RSF1: variants seen among roughly 807,000 people sequenced by gnomAD.
The protein encoded by RSF1 is HBV pX-associated protein 8.
RSF1 carries 13 observed loss-of-function variants against 145.2 expected under a neutral mutation model. The ratio of observed to expected loss-of-function variants is 0.09; its 90% CI spans 0.06 to 0.14. The LOEUF (loss-of-function observed/expected upper bound fraction) is 0.14, where lower values mean the gene tolerates loss of function less well. RSF1 is among the 10% of genes least tolerant of loss of function. The pLI is 1.00. For synonymous variants in RSF1, 577 were observed against 592.6 expected, an observed-to-expected ratio of 0.97 and a Z score of 0.38; for missense variants, 1,517 against 1,718.2, an observed-to-expected ratio of 0.88 and a Z score of 2.07.
At chr11:77,760,426 T>A (rs1234986348) in intron 2 of RSF1, among the ~76,000 whole-genome samples, 1 of 152,230 alleles carries the variant, frequency 6.6e-6, no homozygotes, top group Non-Finnish European at 1.5e-5. Context: ...TGATTGATAC[T>A]GATTGATAAC....
chr11:77,780,210 T>C lies in RSF1; in HGVS notation c.188-15521A>G, dbSNP rs139683282. 5.1e-4 allele frequency among the ~76,000 whole-genome samples: 77 copies of C among 152,272 alleles called. 2 individuals are homozygous for C. The East Asian group carries it at 0.013, about 26-fold the overall frequency. ...TGTTCAATTCAATGGGTTTGGTCTT[T>C]AAAAAAACCAAGTAACTTTTTGATA... On this transcript the variant is annotated intron_variant, in intron 1 of 15. Coordinates refer to ENST00000308488, the MANE Select transcript of RSF1 (RefSeq NM_016578.4).
chr11:77,821,395 C>T (rs777681445), upstream of RSF1, among the ~76,000 whole-genome samples: 3 of 151,466 alleles, frequency 2.0e-5, no homozygotes, highest in Non-Finnish European at 4.4e-5. Flanking sequence ...TAATTAGGGG[C>T]TGGGCTGGGA....
chr11:77,780,096 G>A (rs1008814106), intron 1 of RSF1, among the ~76,000 whole-genome samples: 1 of 152,144 alleles, frequency 6.6e-6, no homozygotes, highest in African/African-American at 2.4e-5. Flanking sequence ...ATAAATGCCT[G>A]TTTACTTAGC....
intron 1 of RSF1, among the ~76,000 whole-genome samples, chr11:77,815,743 T>C (rs1948775378): frequency 7.0e-6 from 1 of 142,610 alleles, no homozygotes; most frequent in Non-Finnish European, 1.6e-5. Context: ...GTTTAATGTT[T>C]TTTTAAAAAA....
chr11:77,677,668 T>G (rs1391458737), intron 12 of RSF1, among the ~76,000 whole-genome samples: 2 of 152,204 alleles, frequency 1.3e-5, no homozygotes, highest in Non-Finnish European at 2.9e-5. Flanking sequence ...TGCCACTTAC[T>G]AAAGACTATG....
intron 7 of RSF1, among the ~76,000 whole-genome samples, chr11:77,697,620 C>T (rs544459163): frequency 2.7e-5 from 4 of 148,928 alleles, no homozygotes; most frequent in African/African-American, 9.8e-5. Flanking sequence ...GGGAAGAAAG[C>T]TCTCTATAAA....
the RSF1 span, among the ~76,000 whole-genome samples, chr11:77,827,028 C>G: frequency 6.6e-6 from 1 of 152,086 alleles, no homozygotes; most frequent in African/African-American, 2.4e-5. Context: ...TCACTTGAAC[C>G]CAGGAGGCAG....
Position 77,702,388 on chromosome 11 carries a change from C to T in RSF1, c.841G>A (p.Glu281Lys). ...AGTTTCACAAGTTCCTTTTCATCTT[C>T]TTTTTCTTTTTTCACAGTAGTCTCT... The part of the protein sequence containing the change: ...LEETTVKKEK[E>K]DEKELVKLPV... Residue 281 changes from glutamate to lysine, a missense_variant, in exon 6 of 16, where the codon GAA (glutamate) becomes AAA (lysine). By Grantham distance (56) the Glu-to-Lys change is moderately conservative (BLOSUM62 1). Transcript: ENST00000308488. 6.2e-7 allele frequency: 1 copy of T among 1,609,796 alleles called. No individual in the cohort carries two copies. Among genetic ancestry groups the T allele is most frequent in the Non-Finnish European group, 8.5e-7 (1 of 1,179,110 alleles).
intron 8 of RSF1, among the ~76,000 whole-genome samples, chr11:77,692,623 C>A (rs1429858961): frequency 6.6e-6 from 1 of 151,580 alleles, no homozygotes; most frequent in Non-Finnish European, 1.5e-5. Context: ...TAGTGATCCT[C>A]CTGCCTCAGC....
At chr11:77,778,093 C>A (rs973879204) in intron 1 of RSF1, among the ~76,000 whole-genome samples, 2 of 5,996 alleles carry the variant, frequency 3.3e-4, no homozygotes, top group Admixed American at 2.3e-3. Flanking sequence ...ACAGGCAGAT[C>A]CTGTCTTGGG....
the RSF1 span, among the ~76,000 whole-genome samples, chr11:77,839,308 TTTTG>T: frequency 8.9e-4 from 136 of 152,236 alleles, no homozygotes; most frequent in African/African-American, 2.8e-3. Context: ...CTTGGCTTTT[TTTTG>T]TTTGTTTGTT....
chr11:77,798,581 T>TAAA lies in RSF1; in HGVS notation c.187+21944_187+21946dup, dbSNP rs543236647. On this transcript the variant is annotated intron_variant, in intron 1 of 15. Coordinates refer to ENST00000308488, the MANE Select transcript of RSF1 (RefSeq NM_016578.4). Reference sequence around the variant, plus strand: ...GCATGACAGGAACGAGACTCCATCTTAAAAAAAAAAAAAAAAAAAAAAAAA... The same window carrying TAAA: ...GCATGACAGGAACGAGACTCCATCTTAAAAAAAAAAAAAAAAAAAAAAAAAAAA... 2.9e-4 allele frequency among the ~76,000 whole-genome samples: 7 copies of TAAA among 24,494 alleles called. 1 individual carries two copies. Among genetic ancestry groups the TAAA allele is most frequent in the South Asian group, 2.0e-3 (1 of 490 alleles). The allele number at this position is 24,494 out of a possible 152,430, so 16.1% of individuals were successfully genotyped here.
At chr11:77,844,451 C>T in the RSF1 span, among the ~76,000 whole-genome samples, 2 of 152,046 alleles carry the variant, frequency 1.3e-5, no homozygotes. Flanking sequence ...TAGTCTACAC[C>T]ACCTGGGTGA....
At chr11:77,699,906 G>A (rs1323425506) in intron 6 of RSF1, among the ~76,000 whole-genome samples, 1 of 152,184 alleles carries the variant, frequency 6.6e-6, no homozygotes, top group Non-Finnish European at 1.5e-5. Flanking sequence ...GGAGTACTGT[G>A]TGGCCATTAA....
At chr11:77,720,183 A>C in intron 5 of RSF1, among the ~76,000 whole-genome samples, 1 of 152,212 alleles carries the variant, frequency 6.6e-6, no homozygotes, top group Middle Eastern at 3.2e-3. Flanking sequence ...TAGGTCTGTG[A>C]GCTGCCAGTC....
chr11:77,802,564 A>G (rs1948636317), intron 1 of RSF1, among the ~76,000 whole-genome samples: 4 of 151,878 alleles, frequency 2.6e-5, no homozygotes, highest in Admixed American at 2.6e-4. Flanking sequence ...TTTTTTTGAG[A>G]CAGAGTTTTA....
rs553713248 is a variant in RSF1, at chr11:77,768,274, T to C, written c.188-3585A>G. 1.7e-4 allele frequency among the ~76,000 whole-genome samples: 25 copies of C among 151,476 alleles called. No homozygotes were observed. The South Asian group carries it at 4.4e-3, about 27-fold the overall frequency. ...GCCTCCCGGGTTCAAGCGATTCTCCTGCCTCAGCCTCCCCAGTAGCTGGGA... is the reference window on the plus strand; with the variant it reads ...GCCTCCCGGGTTCAAGCGATTCTCCCGCCTCAGCCTCCCCAGTAGCTGGGA... On this transcript the variant is annotated intron_variant, in intron 1 of 15. Coordinates refer to ENST00000308488, the MANE Select transcript of RSF1 (RefSeq NM_016578.4).
At chr11:77,862,714 G>C in the RSF1 span, among the ~76,000 whole-genome samples, 12 of 152,260 alleles carry the variant, frequency 7.9e-5, no homozygotes, top group African/African-American at 2.4e-4. Flanking sequence ...AAGAAAGTTT[G>C]TACATATGGC....
At chr11:77,857,828 C>G in the RSF1 span, among the ~76,000 whole-genome samples, 1 of 151,942 alleles carries the variant, frequency 6.6e-6, no homozygotes, top group East Asian at 1.9e-4. Flanking sequence ...TCCCAAGTAG[C>G]TGGGACGACA....
Sources: gnomAD v4.1 joint callset for allele counts (sites outside exome capture counted in the v4.1 genomes callset) on GRCh38, gnomAD v4.1.1 for gene constraint, MANE v1.5 for transcripts, NCBI Gene and HGNC (gene_info 2026-07-23, HGNC 2026-07-21) for gene names.